Variants in PIK3CG observed in about 807,000 individuals in gnomAD.
PIK3CG encodes the protein phosphatidylinositol 4,5-bisphosphate 3-kinase catalytic subunit gamma isoform.
Under a neutral mutation model 102.3 loss-of-function variants are expected in PIK3CG, and 55 were observed. The observed-to-expected ratio is 0.54, with a 90% confidence interval of 0.43 to 0.67. The LOEUF (loss-of-function observed/expected upper bound fraction) is 0.67, where lower values mean the gene tolerates loss of function less well. Among genes scored for constraint, PIK3CG ranks in the 30% least tolerant of loss-of-function variants. The pLI, the probability that PIK3CG is intolerant of heterozygous loss-of-function variation, is 0.00. For synonymous variants in PIK3CG, 552 were observed against 540.0 expected, an observed-to-expected ratio of 1.02 and a Z score of -0.31; for missense variants, 1,258 against 1,391.8, an observed-to-expected ratio of 0.90 and a Z score of 1.53.
At chr7:106,886,321 G>GAATAGCA in intron 10 of PIK3CG, 29 bp downstream of exon 10, 4 of 1,611,740 alleles carry the variant, frequency 2.5e-6, no homozygotes, top group Non-Finnish European at 3.4e-6. Context: ...CGCCTGCTGA[G>GAATAGCA]AATAGCACCG....
Position 106,899,653 on chromosome 7 carries a change from G to A in PIK3CG, c.3031-5456G>A, listed in dbSNP as rs1261388651. ...TTTTTGTCTTTAGTTCTTTGTATGT[G>A]AGAATCACATTTATTGATTTGCGTA... On this transcript the variant is annotated intron_variant, in intron 10 of 10. Coordinates refer to ENST00000496166, the MANE Select transcript of PIK3CG (RefSeq NM_001282426.2). This position sits in a 1 kb window ranked among gnomAD's most constrained non-coding sequence, Gnocchi z 4.6. Among the ~76,000 whole-genome samples the A allele has an allele frequency of 6.6e-6, 1 of 152,114 alleles. No individual in the cohort carries two copies. The highest frequency in any genetic ancestry group is 1.5e-5 in the Non-Finnish European group (1 of 67,996).
chr7:106,884,312 A>C lies in PIK3CG; in HGVS notation c.2872+46A>C, dbSNP rs1791024138. On this transcript the variant is annotated intron_variant, in intron 9 of 10. Transcript: ENST00000496166. The surrounding 1 kb of genome is among the most constrained non-coding windows in gnomAD (Gnocchi z 4.2). The stretch of plus-strand genomic sequence containing the variant: ...ATAAACTTTTATTGTGGTAAAATAT[A>C]TATAACATAACATTTACTATTTTAA... The C allele has an allele frequency of 8.4e-7, 1 of 1,188,860 alleles. No homozygotes were observed. Among genetic ancestry groups the C allele is most frequent in the African/African-American group, 1.5e-5 (1 of 66,450 alleles). 73.6% of individuals were successfully genotyped at this position (1,188,860 alleles called of 1,614,324 possible). A position where few individuals can be genotyped will look rare whatever the true frequency, so the allele number is the denominator to read the frequency against.
rs542436844 is a variant in PIK3CG at position 106,893,305 on chromosome 7, G to A, written c.3030+7013G>A. ...GCACTGGAAGATATCCTCAAAGAAG[G>A]GTCTGATTTCAGCCATTTGTAGGAG... On this transcript the variant is annotated intron_variant, in intron 10 of 10. Coordinates refer to ENST00000496166, the MANE Select transcript of PIK3CG (RefSeq NM_001282426.2). This position sits in a 1 kb window ranked among gnomAD's most constrained non-coding sequence, Gnocchi z 4.4. 6.6e-6 allele frequency among the ~76,000 whole-genome samples: 1 copy of A among 152,142 alleles called. No homozygotes were observed. Among genetic ancestry groups the A allele is most frequent in the Non-Finnish European group, 1.5e-5 (1 of 68,006 alleles).
In PIK3CG at chr7:106,880,316, G is replaced by A. The variant is rs1025334811; in HGVS notation, c.2538+651G>A. Among the ~76,000 whole-genome samples, 3 of 152,106 alleles carry A rather than the reference G, an allele frequency of 2.0e-5. No individual in the cohort carries two copies. Among genetic ancestry groups the A allele is most frequent in the African/African-American group, 7.2e-5 (3 of 41,408 alleles). ...GGTAATAATTTCTAATACTTAATATGGTTTATTTGAAGTAGACAAATTACA... is the reference window on the plus strand; with the variant it reads ...GGTAATAATTTCTAATACTTAATATAGTTTATTTGAAGTAGACAAATTACA... On this transcript the variant is annotated intron_variant, in intron 6 of 10. Transcript: ENST00000496166. This position sits in a 1 kb window ranked among gnomAD's most constrained non-coding sequence, Gnocchi z 4.2.
At chr7:106,881,273 C>G (rs554394098) in intron 6 of PIK3CG, among the ~76,000 whole-genome samples, 7 of 152,262 alleles carry the variant, frequency 4.6e-5, no homozygotes, top group Middle Eastern at 6.8e-3. Flanking sequence ...CATAGTTTGG[C>G]AGCTAAGGGC....
Position 106,906,307 on chromosome 7 carries a change from A to G in PIK3CG, c.*920A>G, listed in dbSNP as rs926978836. The stretch of plus-strand genomic sequence containing the variant: ...GTTGAAAAATAATTACTTCTCAAGG[A>G]TTATTAGAATCTTAGGTACTTATTT... On this transcript the variant is annotated 3_prime_UTR_variant, in exon 11 of 11. Transcript: ENST00000496166. 1.3e-5 allele frequency: 3 copies of G among 229,270 alleles called. No homozygotes were observed. The South Asian group carries it at 5.5e-4, about 42-fold the overall frequency. 14.2% of individuals were successfully genotyped at this position (229,270 alleles called of 1,614,324 possible). A position where few individuals can be genotyped will look rare whatever the true frequency, so the allele number is the denominator to read the frequency against.
chr7:106,890,023 A>C lies in PIK3CG; in HGVS notation c.3030+3731A>C, dbSNP rs897001136. The stretch of plus-strand genomic sequence containing the variant: ...CCTTATGGGAGGAATAAAAAAGAAA[A>C]GTGTTTTTACTCATTGGTAATTTAT... On this transcript the variant is annotated intron_variant, in intron 10 of 10. Transcript: ENST00000496166. This position sits in a 1 kb window ranked among gnomAD's most constrained non-coding sequence, Gnocchi z 4.2. 4.6e-5 allele frequency among the ~76,000 whole-genome samples: 7 copies of C among 152,194 alleles called. No homozygotes were observed. The highest frequency in any genetic ancestry group is 6.5e-5 in the Admixed American group (1 of 15,276).
At chr7:106,881,185 G>A (rs1790920451) in intron 6 of PIK3CG, among the ~76,000 whole-genome samples, 1 of 152,074 alleles carries the variant, frequency 6.6e-6, no homozygotes, top group Non-Finnish European at 1.5e-5. Flanking sequence ...CTAGGCACGA[G>A]CCAGTTAATC....
intron 9 of PIK3CG, among the ~76,000 whole-genome samples, chr7:106,885,157 G>A (rs1001935853): frequency 1.1e-4 from 17 of 152,110 alleles, no homozygotes; most frequent in Admixed American, 1.0e-3. Flanking sequence ...CAGGGGTTGG[G>A]GACCTCTGCT....
rs1791352026 is a variant in PIK3CG at position 106,894,426 on chromosome 7, GTACT to G, written c.3030+8138_3030+8141del. ...AGCTAGTCTGAGAATCACTTTTCAA[GTACT>G]TACAGATAAAAATCCTAATTCAAAC... On this transcript the variant is annotated intron_variant, in intron 10 of 10. Coordinates refer to ENST00000496166, the MANE Select transcript of PIK3CG (RefSeq NM_001282426.2). The surrounding 1 kb of genome is among the most constrained non-coding windows in gnomAD (Gnocchi z 4.4). Among the ~76,000 whole-genome samples, 1 of 152,182 alleles carries G rather than the reference GTACT, an allele frequency of 6.6e-6. No individual in the cohort carries two copies. The highest frequency in any genetic ancestry group is 1.5e-5 in the Non-Finnish European group (1 of 68,038).
At chr7:106,886,989 C>A (rs888433282) in intron 10 of PIK3CG, among the ~76,000 whole-genome samples, 5 of 151,138 alleles carry the variant, frequency 3.3e-5, no homozygotes, top group Non-Finnish European at 7.4e-5. Context: ...AGCTGATGAT[C>A]TAAAAAAAAA....
rs1055726601 is a variant in PIK3CG at position 106,868,748 on chromosome 7, A to G, written c.1187A>G (p.Gln396Arg). ...CAGCATGGGCAACAAGTCCTTTGCC[A>G]AAGGAGAACCAGCCCCAAACCCTTC... Reference protein sequence around the residue: ...NIQHGQQVLCQRRTSPKPFTE... With the variant: ...NIQHGQQVLCRRRTSPKPFTE... Residue 396 changes from glutamine (Q) to arginine (R), a missense_variant, in exon 2 of 11, where the codon CAA becomes CGA. Transcript: ENST00000496166. The surrounding 1 kb of genome is among the most constrained non-coding windows in gnomAD (Gnocchi z 6.2). 3 of 1,614,128 alleles carry G rather than the reference A, an allele frequency of 1.9e-6. No individual in the cohort carries two copies. In the African/African-American group the frequency reaches 4.0e-5, roughly 22 times the overall value.
At position 106,880,248 on chromosome 7, in the gene PIK3CG, G is replaced by A. The variant is rs141688744; in HGVS notation, c.2538+583G>A. ...AGATAAACTTTAGCTTCACAAGTCT[G>A]TAAAGTAATATTCTCCAGATTCTAG... On this transcript the variant is annotated intron_variant, in intron 6 of 10. Coordinates refer to ENST00000496166, the MANE Select transcript of PIK3CG (RefSeq NM_001282426.2). The surrounding 1 kb of genome is among the most constrained non-coding windows in gnomAD (Gnocchi z 4.2). 7.2e-5 allele frequency among the ~76,000 whole-genome samples: 11 copies of A among 152,336 alleles called. No individual in the cohort carries two copies. The East Asian group carries it at 9.6e-4, about 13-fold the overall frequency.
Position 106,895,915 on chromosome 7 carries a change from A to C in PIK3CG, c.3031-9194A>C, listed in dbSNP as rs1791397413. On this transcript the variant is annotated intron_variant, in intron 10 of 10. Transcript: ENST00000496166. This position sits in a 1 kb window ranked among gnomAD's most constrained non-coding sequence, Gnocchi z 5.4. The stretch of plus-strand genomic sequence containing the variant: ...CAGCTTGATGTGAATCTGTGTTGTT[A>C]ACCACCACAGCACACTGCCTTTCAG... Among the ~76,000 whole-genome samples the C allele has an allele frequency of 6.6e-6, 1 of 152,222 alleles. No homozygotes were observed. The highest frequency in any genetic ancestry group is 2.1e-4 in the South Asian group (1 of 4,832).
intron 10 of PIK3CG, among the ~76,000 whole-genome samples, chr7:106,887,799 G>A (rs114447077): frequency 6.6e-6 from 1 of 152,026 alleles, no homozygotes; most frequent in Non-Finnish European, 1.5e-5. Context: ...TTAAAGGGGG[G>A]AAAACACTCA....
At position 106,872,184 on chromosome 7, in the gene PIK3CG, A is replaced by G. The variant is rs1194397677; in HGVS notation, c.1996-353A>G. ...ACCTTCCACTTTATAGATTGGTTAC[A>G]GTGTCTCCATCTTCCCCCTCTACCC... is the stretch of plus-strand genomic sequence containing the variant. On this transcript the variant is annotated intron_variant, in intron 2 of 10. Transcript: ENST00000496166. This position sits in a 1 kb window ranked among gnomAD's most constrained non-coding sequence, Gnocchi z 5.3. Among the ~76,000 whole-genome samples the G allele has an allele frequency of 6.6e-6, 1 of 152,162 alleles. No individual in the cohort carries two copies. Among genetic ancestry groups the G allele is most frequent in the Non-Finnish European group, 1.5e-5 (1 of 68,024 alleles).
At chr7:106,878,601 G>A (rs1470948657) in intron 5 of PIK3CG, among the ~76,000 whole-genome samples, 1 of 150,572 alleles carries the variant, frequency 6.6e-6, no homozygotes. Flanking sequence ...CTTTTCTTGG[G>A]GATCACGGAC....
chr7:106,889,678 G>T (rs1193875826), intron 10 of PIK3CG, among the ~76,000 whole-genome samples: 1 of 152,198 alleles, frequency 6.6e-6, no homozygotes, highest in African/African-American at 2.4e-5. Flanking sequence ...TAAGGGTGGG[G>T]TGAGCCTGGT....
chr7:106,881,242 CT>C (rs1410604487), intron 6 of PIK3CG, among the ~76,000 whole-genome samples: 1 of 152,110 alleles, frequency 6.6e-6, no homozygotes, highest in Non-Finnish European at 1.5e-5. Flanking sequence ...GCCCAGCCTA[CT>C]TTGTTTATTT....
Sources: allele counts gnomAD v4.1 joint callset (sites outside exome capture counted in the v4.1 genomes callset), GRCh38; gene constraint gnomAD v4.1.1; non-coding constraint Gnocchi (gnomAD v3.1); transcripts MANE v1.5; gene names NCBI Gene and HGNC (gene_info 2026-07-23, HGNC 2026-07-21).